The following PDLIM5 variants were observed in gnomAD, a reference collection of about 807,000 sequenced individuals.
The protein encoded by PDLIM5 is PDZ and LIM domain protein 5.
In PDLIM5, 34 loss-of-function variants were observed where a neutral mutation model predicts 64.2. That is an observed-to-expected ratio of 0.53 (90% CI 0.40 to 0.71). The LOEUF is 0.71. Among genes scored for constraint, PDLIM5 ranks in the 30% least tolerant of loss-of-function variants. The pLI, the probability that PDLIM5 is intolerant of heterozygous loss-of-function variation, is 0.00. For missense variants in PDLIM5, 683 were observed against 733.6 expected, an observed-to-expected ratio of 0.93 and a Z score of 0.80; for synonymous variants, 253 against 269.1, an observed-to-expected ratio of 0.94 and a Z score of 0.59.
At chr4:94,660,459 G>A (rs989770622) in intron 11 of PDLIM5, among the ~76,000 whole-genome samples, 3 of 151,786 alleles carry the variant, frequency 2.0e-5, no homozygotes, top group Admixed American at 6.6e-5. Context: ...TAATAGTGTA[G>A]TGCCCCCCCC....
chr4:94,630,657 G>C (rs1740074839), intron 8 of PDLIM5, among the ~76,000 whole-genome samples: 1 of 152,108 alleles, frequency 6.6e-6, no homozygotes, highest in African/African-American at 2.4e-5. Context: ...TAATAGGCGT[G>C]AGCTACTGCG....
intron 7 of PDLIM5, among the ~76,000 whole-genome samples, chr4:94,613,171 C>G (rs1490264660): frequency 6.6e-6 from 1 of 152,016 alleles, no homozygotes; most frequent in Non-Finnish European, 1.5e-5. Flanking sequence ...TATTCCTTTC[C>G]TGCCATTTCA....
In PDLIM5 at chr4:94,564,644, G is replaced by C. The variant is rs570347697; in HGVS notation, c.249-8707G>C. 1.7e-4 allele frequency among the ~76,000 whole-genome samples: 23 copies of C among 134,960 alleles called. No individual in the cohort carries two copies. In the East Asian group the frequency reaches 2.3e-3, roughly 13 times the overall value. The allele number at this position is 134,960 out of a possible 152,430, so 88.5% of individuals were successfully genotyped here. ...AATGGATGTAAGCACCTTCAAAGGAGGAATTTTGTCTCTTTTTTTTTTTTT... is the reference window on the plus strand; with the variant it reads ...AATGGATGTAAGCACCTTCAAAGGACGAATTTTGTCTCTTTTTTTTTTTTT... On this transcript the variant is annotated intron_variant, in intron 3 of 12. Coordinates refer to ENST00000317968, the MANE Select transcript of PDLIM5 (RefSeq NM_006457.5).
chr4:94,486,555 T>C (rs1726355371), intron 2 of PDLIM5, among the ~76,000 whole-genome samples: 1 of 152,222 alleles, frequency 6.6e-6, no homozygotes, highest in Non-Finnish European at 1.5e-5. Flanking sequence ...TTTGCCTTTG[T>C]AGACTCCTTG....
intron 7 of PDLIM5, among the ~76,000 whole-genome samples, chr4:94,602,170 C>G (rs1737556614): frequency 6.6e-6 from 1 of 152,058 alleles, no homozygotes; most frequent in Non-Finnish European, 1.5e-5. Flanking sequence ...TGAATTTTTC[C>G]TCTTATTGAA....
intron 2 of PDLIM5, among the ~76,000 whole-genome samples, chr4:94,502,771 G>A (rs2110085791): frequency 6.6e-6 from 1 of 152,140 alleles, no homozygotes; most frequent in South Asian, 2.1e-4. Context: ...CAGCTACTCG[G>A]GAGGCTGAGG....
chr4:94,572,094 T>C (rs1284327275), intron 3 of PDLIM5, among the ~76,000 whole-genome samples: 1 of 152,140 alleles, frequency 6.6e-6, no homozygotes, highest in East Asian at 1.9e-4. Flanking sequence ...AGAGACCGAA[T>C]ATCCTGTGCT....
chr4:94,594,802 A>G (rs561886260), intron 7 of PDLIM5, among the ~76,000 whole-genome samples: 2 of 152,324 alleles, frequency 1.3e-5, no homozygotes, highest in African/African-American at 4.8e-5. Flanking sequence ...AATAATGATC[A>G]AAACATTTTT....
At chr4:94,573,134 G>T (rs575750794) in intron 3 of PDLIM5, among the ~76,000 whole-genome samples, 1 of 152,234 alleles carries the variant, frequency 6.6e-6, no homozygotes, top group African/African-American at 2.4e-5. Context: ...GACTGCTATT[G>T]AATACCTAGT....
At chr4:94,515,455 G>C (rs1301494376) in intron 2 of PDLIM5, among the ~76,000 whole-genome samples, 1 of 152,062 alleles carries the variant, frequency 6.6e-6, no homozygotes, top group Non-Finnish European at 1.5e-5. Context: ...AAATTTTCTT[G>C]AGCTTTTTGT....
At chr4:94,564,205 AC>A (rs1179605744) in intron 3 of PDLIM5, among the ~76,000 whole-genome samples, 1 of 151,036 alleles carries the variant, frequency 6.6e-6, no homozygotes, top group East Asian at 2.0e-4. Context: ...CTTGTGATCC[AC>A]CCCCCTTGGC....
chr4:94,639,049 G>C (rs980447218), intron 8 of PDLIM5, among the ~76,000 whole-genome samples: 7 of 152,162 alleles, frequency 4.6e-5, no homozygotes, highest in African/African-American at 1.4e-4. Flanking sequence ...AATTCAGGGA[G>C]AGTTTTTGGA....
At chr4:94,573,425 C>T (rs2110278315) in intron 4 of PDLIM5, 32 bp downstream of exon 4, 3 of 1,519,374 alleles carry the variant, frequency 2.0e-6, no homozygotes, top group South Asian at 2.2e-5. Flanking sequence ...CAGAGTATCA[C>T]TTGATTGTCC....
At chr4:94,575,187 A>G (rs920407004) in intron 4 of PDLIM5, among the ~76,000 whole-genome samples, 26 of 152,068 alleles carry the variant, frequency 1.7e-4, no homozygotes, top group Admixed American at 9.2e-4. Context: ...AAATGGGACT[A>G]TGGGCTTTGA....
intron 7 of PDLIM5, among the ~76,000 whole-genome samples, chr4:94,593,430 A>G (rs1443365642): frequency 6.6e-6 from 1 of 152,118 alleles, no homozygotes; most frequent in Non-Finnish European, 1.5e-5. Context: ...AGGTGCCAGC[A>G]GAGTTGGTGT....
intron 8 of PDLIM5, among the ~76,000 whole-genome samples, chr4:94,629,853 ATG>A: frequency 6.6e-6 from 1 of 152,270 alleles, no homozygotes; most frequent in East Asian, 1.9e-4. Context: ...CGTCTCCAGA[ATG>A]TACTTTCCTC....
chr4:94,476,926 T>C (rs1325713861), intron 2 of PDLIM5, among the ~76,000 whole-genome samples: 1 of 152,240 alleles, frequency 6.6e-6, no homozygotes, highest in Non-Finnish European at 1.5e-5. Flanking sequence ...GTTCCTATTT[T>C]TGAAGCACTT....
At chr4:94,569,511 G>A (rs932621528) in intron 3 of PDLIM5, among the ~76,000 whole-genome samples, 3 of 151,928 alleles carry the variant, frequency 2.0e-5, no homozygotes, top group Non-Finnish European at 4.4e-5. Context: ...GTAGAGATGG[G>A]GTTTCACCAT....
intron 2 of PDLIM5, among the ~76,000 whole-genome samples, chr4:94,521,665 CT>C (rs761750503): frequency 3.3e-5 from 5 of 151,312 alleles, no homozygotes; most frequent in Non-Finnish European, 7.4e-5. Context: ...ATGACATTGT[CT>C]TTGATTCCAT....
Sources: allele counts gnomAD v4.1 joint callset (sites outside exome capture counted in the v4.1 genomes callset), GRCh38; gene constraint gnomAD v4.1.1; transcripts MANE v1.5; gene names NCBI Gene and HGNC (gene_info 2026-07-23, HGNC 2026-07-21).